The following LRRC9 variants were observed in gnomAD, a reference collection of about 807,000 sequenced individuals.
LRRC9 encodes leucine rich repeat containing 9, also known as leucine-rich repeat-containing protein 9.
In LRRC9, 122 loss-of-function variants were observed where a neutral mutation model predicts 63.2. The ratio of observed to expected loss-of-function variants is 1.93; its 90% CI spans 1.67 to 2.24. The LOEUF (loss-of-function observed/expected upper bound fraction) is 2.24. Among genes scored for constraint, LRRC9 ranks in the 30% most tolerant of loss-of-function variants. The probability of loss-of-function intolerance (pLI) is 0.00; values close to 1 mark genes in which losing one functional copy is unlikely to be tolerated. For synonymous variants in LRRC9, 366 were observed against 213.1 expected (o/e 1.72, Z -6.25); for missense variants, 1,071 against 627.7 (o/e 1.71, Z -7.55).
At chr14:60,034,048 T>C (rs1478734110) in intron 29 of LRRC9, among the ~76,000 whole-genome samples, 1 of 125,278 alleles carries the variant, frequency 8.0e-6, no homozygotes, top group African/African-American at 3.2e-5. Context: ...TGAGACAGAG[T>C]CTCTCTCTGT....
Position 59,949,708 on chromosome 14 carries a change from C to T in LRRC9, c.882+4964C>T, listed in dbSNP as rs540447202. Among the ~76,000 whole-genome samples the T allele has an allele frequency of 1.1e-3, 170 of 151,508 alleles. 5 individuals are homozygous for T. In the South Asian group the frequency reaches 0.034, roughly 30 times the overall value. The stretch of plus-strand genomic sequence containing the variant: ...TTCTGGTATGTTGTGTCTTTGTTCT[C>T]GTTGGTTTCAAAGAACTCTTTATTT... On this transcript the variant is annotated intron_variant, in intron 8 of 31. Coordinates refer to ENST00000445360, the Ensembl canonical transcript of LRRC9.
At chr14:59,968,626 A>G (rs969334553) in intron 12 of LRRC9, among the ~76,000 whole-genome samples, 1 of 152,158 alleles carries the variant, frequency 6.6e-6, no homozygotes, top group Non-Finnish European at 1.5e-5. Context: ...ATTGTACTTT[A>G]TGGAGAAGTA....
intron 22 of LRRC9, among the ~76,000 whole-genome samples, chr14:60,007,432 C>T (rs1889902895): frequency 1.3e-5 from 2 of 152,190 alleles, no homozygotes; most frequent in South Asian, 4.1e-4. Context: ...TCCTTCACAA[C>T]AAAGGCATAT....
Position 60,055,731 on chromosome 14 carries a change from T to TA in LRRC9, c.4132-2132dup, listed in dbSNP as rs755671026. ...AACATGGCAAAACCTTGTCTCTATT[T>TA]AAAAAAAAAAAAAAACAAAAAAAAC... On this transcript the variant is annotated intron_variant, in intron 30 of 31. Transcript: ENST00000445360. Among the ~76,000 whole-genome samples the TA allele has an allele frequency of 9.8e-3, 1,176 of 119,482 alleles. 36 individuals carry two copies. The highest frequency in any genetic ancestry group is 0.019 in the African/African-American group (619 of 33,358). 78.4% of individuals were successfully genotyped at this position (119,482 alleles called of 152,430 possible).
At chr14:60,054,105 G>C in intron 30 of LRRC9, 1 of 320,122 alleles carries the variant, frequency 3.1e-6, no homozygotes, top group Non-Finnish European at 6.1e-6. Flanking sequence ...AAAGAGATAG[G>C]ACTACCATAC....
rs978214911 is a variant in LRRC9 at position 59,938,835 on chromosome 14, GA to G, written c.726+271del. Among the ~76,000 whole-genome samples, 23 of 132,530 alleles carry G rather than the reference GA, an allele frequency of 1.7e-4. No homozygotes were observed. The highest frequency in any genetic ancestry group is 1.1e-3 in the South Asian group (4 of 3,740). The allele number at this position is 132,530 out of a possible 152,430, so 86.9% of individuals were successfully genotyped here. On this transcript the variant is annotated intron_variant, in intron 7 of 31. Transcript: ENST00000445360. The surrounding 1 kb of genome is among the most constrained non-coding windows in gnomAD (Gnocchi z 4.2). ...ATCTATACAAAACAAGAAGGAAATT[GA>G]AAAAAAATCAGTGTTAAAAATAGAC...
Position 60,058,611 on chromosome 14 carries a change from A to T in LRRC9, c.4276+589A>T, listed in dbSNP as rs75671676. ...TAAATTTTAGTTCAAGTTTAGAATA[A>T]GCCTGTTCCCTAATTCCACATCTTT... is the stretch of plus-strand genomic sequence containing the variant. On this transcript the variant is annotated intron_variant, in intron 31 of 31. Coordinates refer to ENST00000445360, the Ensembl canonical transcript of LRRC9. This position sits in a 1 kb window ranked among gnomAD's most constrained non-coding sequence, Gnocchi z 4.4. Among the ~76,000 whole-genome samples, 1 of 152,136 alleles carries T rather than the reference A, an allele frequency of 6.6e-6. No individual in the cohort carries two copies. The highest frequency in any genetic ancestry group is 6.5e-5 in the Admixed American group (1 of 15,284).
rs778936179 is a variant in LRRC9, at chr14:60,056,628, G to A, written c.4132-1250G>A. The stretch of plus-strand genomic sequence containing the variant: ...AACTGTCTTTCAACTTAGTTATTCC[G>A]TATGTAAATACTTTATTAAATATTA... On this transcript the variant is annotated intron_variant, in intron 30 of 31. Coordinates refer to ENST00000445360, the Ensembl canonical transcript of LRRC9. Among the ~76,000 whole-genome samples the A allele has an allele frequency of 1.3e-3, 200 of 152,088 alleles. 1 individual carries two copies. The highest frequency in any genetic ancestry group is 2.3e-3 in the Admixed American group (35 of 15,278).
chr14:59,948,350 A>T (rs1294221688), intron 8 of LRRC9, among the ~76,000 whole-genome samples: 1 of 144,658 alleles, frequency 6.9e-6, no homozygotes. Context: ...ATTTTTGTAC[A>T]TTAATTTTGT....
In LRRC9 at chr14:59,990,828, G is replaced by GT. The variant is rs1888008747; in HGVS notation, c.2211+5606dup. On this transcript the variant is annotated intron_variant, in intron 17 of 31. Coordinates refer to ENST00000445360, the Ensembl canonical transcript of LRRC9. The surrounding 1 kb of genome is among the most constrained non-coding windows in gnomAD (Gnocchi z 4.2). ...ACATTCCGGTGAATATTTGTTGACT[G>GT]TTCTGGGGCTCTCCTGTTTTCAGGT... 6.6e-6 allele frequency among the ~76,000 whole-genome samples: 1 copy of GT among 152,198 alleles called. No homozygotes were observed. The highest frequency in any genetic ancestry group is 1.9e-4 in the East Asian group (1 of 5,194).
chr14:59,945,913 G>A (rs1172260905), intron 8 of LRRC9, among the ~76,000 whole-genome samples: 6 of 151,628 alleles, frequency 4.0e-5, no homozygotes, highest in African/African-American at 1.5e-4. Context: ...AACTGTCAAA[G>A]TATGACACAT....
Position 59,958,413 on chromosome 14 carries a change from C to T in LRRC9, c.883-1405C>T, listed in dbSNP as rs1215666760. 6.6e-6 allele frequency among the ~76,000 whole-genome samples: 1 copy of T among 152,160 alleles called. No homozygotes were observed. Among genetic ancestry groups the T allele is most frequent in the Non-Finnish European group, 1.5e-5 (1 of 68,016 alleles). On this transcript the variant is annotated intron_variant, in intron 8 of 31. Transcript: ENST00000445360. The surrounding 1 kb of genome is among the most constrained non-coding windows in gnomAD (Gnocchi z 4.0). ...CCACCGGGCCCAGACCTCCCAAACT[C>T]CTTAGCACTGTCAGGGAAAAACCAC...
chr14:59,962,676 C>G lies in LRRC9; in HGVS notation c.1211+1631C>G, dbSNP rs1884467235. On this transcript the variant is annotated intron_variant, in intron 10 of 31. Transcript: ENST00000445360. The surrounding 1 kb of genome is among the most constrained non-coding windows in gnomAD (Gnocchi z 5.1). ...CCTCGGCCTCCCAAAGTGCTGAGAT[C>G]ACAGGCATGAGCCACTGTGCCCAGC... 6.6e-6 allele frequency among the ~76,000 whole-genome samples: 1 copy of G among 151,870 alleles called. No individual in the cohort carries two copies. The highest frequency in any genetic ancestry group is 6.6e-5 in the Admixed American group (1 of 15,260).
At chr14:59,973,727 G>T (rs1169219569) in intron 12 of LRRC9, among the ~76,000 whole-genome samples, 1 of 151,974 alleles carries the variant, frequency 6.6e-6, no homozygotes, top group Non-Finnish European at 1.5e-5. Flanking sequence ...TGAATCCTCA[G>T]ATGTGGGAAC....
intron 6 of LRRC9, among the ~76,000 whole-genome samples, chr14:59,935,056 C>T (rs757241655): frequency 4.7e-4 from 70 of 148,770 alleles, no homozygotes; most frequent in Non-Finnish European, 8.7e-4. Context: ...GAGGCCGAGG[C>T]GGGCGGATCA....
At chr14:60,028,460 A>G (rs2058149378) in intron 28 of LRRC9, among the ~76,000 whole-genome samples, 1 of 151,986 alleles carries the variant, frequency 6.6e-6, no homozygotes, top group African/African-American at 2.4e-5. Context: ...AACTTGTCAT[A>G]TGTACTTGTT....
intron 29 of LRRC9, among the ~76,000 whole-genome samples, chr14:60,047,352 G>A (rs1017807192): frequency 6.6e-6 from 1 of 152,004 alleles, no homozygotes; most frequent in African/African-American, 2.4e-5. Flanking sequence ...CTTGTCTTAT[G>A]CCAGTTTTCA....
Position 60,040,700 on chromosome 14 carries a change from T to A in LRRC9, c.3990+8637T>A, listed in dbSNP as rs550494314. The stretch of plus-strand genomic sequence containing the variant: ...CTGAATACAGCACACCAATGGGTCT[T>A]AACTCTTTATCCAATTTGCCAGTCT... On this transcript the variant is annotated intron_variant, in intron 29 of 31. Coordinates refer to ENST00000445360, the Ensembl canonical transcript of LRRC9. 6.5e-4 allele frequency among the ~76,000 whole-genome samples: 99 copies of A among 152,088 alleles called. 1 individual carries two copies. The South Asian group carries it at 0.019, about 29-fold the overall frequency.
intron 12 of LRRC9, among the ~76,000 whole-genome samples, chr14:59,968,158 A>T (rs1441134652): frequency 6.6e-6 from 1 of 152,244 alleles, no homozygotes; most frequent in Non-Finnish European, 1.5e-5. Flanking sequence ...ATGCTAGAGA[A>T]ATAATAAGCC....
Sources: gnomAD v4.1 joint callset for allele counts (sites outside exome capture counted in the v4.1 genomes callset) on GRCh38, gnomAD v4.1.1 for gene constraint, Gnocchi (gnomAD v3.1) non-coding constraint, MANE v1.5 for transcripts, NCBI Gene and HGNC (gene_info 2026-07-23, HGNC 2026-07-21) for gene names.